CNTN4: variants seen among roughly 807,000 people sequenced by gnomAD.
CNTN4 encodes contactin-4.
A neutral mutation model predicts 122.5 loss-of-function variants in CNTN4; 77 were observed. That is an observed-to-expected ratio of 0.63 (90% CI 0.52 to 0.76). CNTN4 has a LOEUF of 0.76. Among genes scored for constraint, CNTN4 ranks in the 30% least tolerant of loss-of-function variants. The pLI is 0.00. For synonymous variants in CNTN4, 512 were observed against 447.0 expected, an observed-to-expected ratio of 1.15 and a Z score of -1.83; for missense variants, 1,256 against 1,259.1, an observed-to-expected ratio of 1.00 and a Z score of 0.04.
intron 3 of CNTN4, among the ~76,000 whole-genome samples, chr3:2,535,047 G>A (rs1363680673): frequency 1.2e-4 from 19 of 152,110 alleles, no homozygotes; most frequent in Non-Finnish European, 2.5e-4. Context: ...AATTGACTCT[G>A]GGCATAGCTT....
At chr3:2,195,361 GT>G (rs762987823) in intron 2 of CNTN4, among the ~76,000 whole-genome samples, 7 of 152,128 alleles carry the variant, frequency 4.6e-5, no homozygotes, top group Non-Finnish European at 1.0e-4. Context: ...TGTAGCCATT[GT>G]GAAAAATGCT....
At chr3:2,569,112 G>A (rs181161387) in intron 3 of CNTN4, among the ~76,000 whole-genome samples, 62 of 152,196 alleles carry the variant, frequency 4.1e-4, no homozygotes, top group African/African-American at 1.2e-3. Context: ...TTAGAGATAC[G>A]GCCAGCTTTC....
intron 3 of CNTN4, among the ~76,000 whole-genome samples, chr3:2,372,688 G>A (rs1218504627): frequency 6.6e-6 from 1 of 152,172 alleles, no homozygotes; most frequent in African/African-American, 2.4e-5. Flanking sequence ...AGAGGAAGGA[G>A]GCAGTAGAAA....
At chr3:2,882,189 C>T (rs566716332) in intron 8 of CNTN4, among the ~76,000 whole-genome samples, 1 of 151,992 alleles carries the variant, frequency 6.6e-6, no homozygotes. Flanking sequence ...ATGGTGAAAC[C>T]CCGTCTCCAC....
intron 3 of CNTN4, among the ~76,000 whole-genome samples, chr3:2,365,631 C>G (rs1161657789): frequency 6.6e-6 from 1 of 152,136 alleles, no homozygotes; most frequent in Non-Finnish European, 1.5e-5. Flanking sequence ...CAAAGTGAGG[C>G]TGAGATGAGA....
chr3:2,840,551 T>C lies in CNTN4; in HGVS notation c.454+20970T>C, dbSNP rs111997063. Among the ~76,000 whole-genome samples, 8 of 29,726 alleles carry C rather than the reference T, an allele frequency of 2.7e-4. 2 individuals are homozygous for C. The highest frequency in any genetic ancestry group is 3.6e-4 in the Non-Finnish European group (2 of 5,490). The allele number at this position is 29,726 out of a possible 152,430, so 19.5% of individuals were successfully genotyped here. Reference sequence around the variant, plus strand: ...CCGTCTCTACTAAAAATACAAAAATTAGCCGGGCGCGGTGATGGGCGCCTG... The same window carrying C: ...CCGTCTCTACTAAAAATACAAAAATCAGCCGGGCGCGGTGATGGGCGCCTG... On this transcript the variant is annotated intron_variant, in intron 7 of 24. Coordinates refer to ENST00000418658, the MANE Select transcript of CNTN4 (RefSeq NM_175607.3).
At chr3:2,185,016 G>C (rs1041377830) in intron 2 of CNTN4, among the ~76,000 whole-genome samples, 1 of 152,154 alleles carries the variant, frequency 6.6e-6, no homozygotes, top group Non-Finnish European at 1.5e-5. Context: ...TTACCTGCAA[G>C]CTCCTCCTGG....
rs145645241 is a variant in CNTN4, at chr3:2,225,602, A to G, written c.-144-113576A>G. 9.3e-4 allele frequency among the ~76,000 whole-genome samples: 142 copies of G among 152,352 alleles called. 2 individuals are homozygous for G. Among genetic ancestry groups the G allele is most frequent in the Middle Eastern group, 3.4e-3 (1 of 294 alleles). Reference sequence around the variant, plus strand: ...TTGGTACAGCCAATAGAAAATGAACAATACTATCTCACGACTTTTCTATTC... The same window carrying G: ...TTGGTACAGCCAATAGAAAATGAACGATACTATCTCACGACTTTTCTATTC... On this transcript the variant is annotated intron_variant, in intron 2 of 24. Coordinates refer to ENST00000418658, the MANE Select transcript of CNTN4 (RefSeq NM_175607.3).
chr3:2,765,311 C>T (rs1417306432), intron 6 of CNTN4, among the ~76,000 whole-genome samples: 2 of 152,260 alleles, frequency 1.3e-5, no homozygotes, highest in African/African-American at 4.8e-5. Context: ...AAGATGCTAA[C>T]GAAGTCAGGA....
intron 15 of CNTN4, among the ~76,000 whole-genome samples, chr3:3,030,060 C>T (rs1191223737): frequency 6.6e-6 from 1 of 152,140 alleles, no homozygotes; most frequent in Non-Finnish European, 1.5e-5. Flanking sequence ...GTGGTCTCTT[C>T]ATCAAGCAGC....
At chr3:2,308,858 A>G (rs1049419643) in intron 2 of CNTN4, among the ~76,000 whole-genome samples, 1 of 152,052 alleles carries the variant, frequency 6.6e-6, no homozygotes, top group Non-Finnish European at 1.5e-5. Flanking sequence ...GGAAAAATGT[A>G]TATAAAATAT....
At chr3:2,988,290 A>C in intron 13 of CNTN4, 55 bp from the exon 14 acceptor site, 2 of 1,546,308 alleles carry the variant, frequency 1.3e-6, no homozygotes, top group Non-Finnish European at 1.8e-6. Flanking sequence ...ACTAATTTGC[A>C]ATAGGTCATA....
intron 2 of CNTN4, among the ~76,000 whole-genome samples, chr3:2,154,311 A>G (rs369418306): frequency 6.6e-6 from 1 of 151,744 alleles, no homozygotes; most frequent in East Asian, 2.0e-4. Flanking sequence ...GCTTGAACCC[A>G]GGAGGTGGAG....
At chr3:2,105,752 CT>C (rs2032390680) in intron 2 of CNTN4, among the ~76,000 whole-genome samples, 1 of 152,212 alleles carries the variant, frequency 6.6e-6, no homozygotes, top group South Asian at 2.1e-4. Context: ...AATATCATGT[CT>C]TTTCACATTT....
chr3:3,056,101 AT>A lies in CNTN4; in HGVS notation c.2981-16del, dbSNP rs1485710262. ...GCCGGGATGGGGCTGTTTTGAGTGA[AT>A]TTGTTCTCTCTTTTCAGATGCCTAC... On this transcript the variant is annotated intron_variant, in intron 24 of 24. Coordinates refer to ENST00000418658, the MANE Select transcript of CNTN4 (RefSeq NM_175607.3). 1 of 1,607,492 alleles carries A rather than the reference AT, an allele frequency of 6.2e-7. No individual in the cohort carries two copies. Among genetic ancestry groups the A allele is most frequent in the East Asian group, 2.2e-5 (1 of 44,840 alleles).
At chr3:2,106,090 G>C (rs1015109208) in intron 2 of CNTN4, among the ~76,000 whole-genome samples, 22 of 152,242 alleles carry the variant, frequency 1.4e-4, no homozygotes, top group African/African-American at 5.3e-4. Flanking sequence ...GCTGATGCAG[G>C]AGGTGGGCTC....
chr3:3,039,273 C>T (rs1257254631), intron 19 of CNTN4: 8 of 392,812 alleles, frequency 2.0e-5, no homozygotes. Flanking sequence ...ATAAAGAAGG[C>T]TGTTTCAGAG....
intron 3 of CNTN4, among the ~76,000 whole-genome samples, chr3:2,488,992 C>T (rs1559600764): frequency 6.6e-6 from 1 of 152,210 alleles, no homozygotes. Flanking sequence ...CTCTGCATCA[C>T]TCTACAGAAA....
chr3:2,689,965 A>G (rs1233722686), intron 4 of CNTN4, among the ~76,000 whole-genome samples: 3 of 152,092 alleles, frequency 2.0e-5, no homozygotes, highest in Admixed American at 2.0e-4. Flanking sequence ...ATGCCCAAAA[A>G]CTAAGATCAT....
Sources: gnomAD v4.1 joint callset for allele counts (sites outside exome capture counted in the v4.1 genomes callset) on GRCh38, gnomAD v4.1.1 for gene constraint, MANE v1.5 for transcripts, NCBI Gene and HGNC (gene_info 2026-07-23, HGNC 2026-07-21) for gene names.